The following EIF4G3 variants were observed in gnomAD, a reference collection of about 807,000 sequenced individuals.
The protein encoded by EIF4G3 is eukaryotic translation initiation factor 4 gamma 3.
Under a neutral mutation model 186.4 loss-of-function variants are expected in EIF4G3, and 34 were observed. The observed-to-expected ratio is 0.18, with a 90% CI of 0.14 to 0.24. The LOEUF is 0.24. Ranked by LOEUF, EIF4G3 falls within the 10% of genes least tolerant of loss-of-function variation. The pLI, the probability that EIF4G3 is intolerant of heterozygous loss-of-function variation, is 1.00. For missense variants in EIF4G3, 1,536 were observed against 1,948.5 expected, an observed-to-expected ratio of 0.79 and a Z score of 3.99; for synonymous variants, 673 against 679.5, an observed-to-expected ratio of 0.99 and a Z score of 0.15.
At chr1:20,873,901 T>C (rs1475593593) in intron 20 of EIF4G3, among the ~76,000 whole-genome samples, 3 of 152,124 alleles carry the variant, frequency 2.0e-5, no homozygotes, top group Non-Finnish European at 4.4e-5. Flanking sequence ...CCATGTGTTC[T>C]CAATGTGAAA....
At chr1:21,077,812 G>T (rs1269615851) in intron 3 of EIF4G3, among the ~76,000 whole-genome samples, 1 of 151,334 alleles carries the variant, frequency 6.6e-6, no homozygotes, top group South Asian at 2.1e-4. Context: ...CCCAGGAGGC[G>T]GAGGTTGTGG....
chr1:20,982,066 T>A (rs2078414531), intron 8 of EIF4G3, among the ~76,000 whole-genome samples: 1 of 152,200 alleles, frequency 6.6e-6, no homozygotes, highest in African/African-American at 2.4e-5. Flanking sequence ...TGTAGGGTTG[T>A]CACATGCTGA....
rs78263835 is a variant in EIF4G3 at position 20,896,482 on chromosome 1, T to G, written c.2000-981A>C. ...AAGAAAAAGAAAAAGGAAAAAGAAATATTTTTGCATAGCTATACAGTGTGT... is the reference window on the plus strand; with the variant it reads ...AAGAAAAAGAAAAAGGAAAAAGAAAGATTTTTGCATAGCTATACAGTGTGT... On this transcript the variant is annotated intron_variant, in intron 16 of 36. Coordinates refer to ENST00000602326, the MANE Select transcript of EIF4G3 (RefSeq NM_001391906.1). Among the ~76,000 whole-genome samples the G allele has an allele frequency of 9.3e-3, 1,345 of 144,544 alleles. 15 individuals carry two copies. Among genetic ancestry groups the G allele is most frequent in the Admixed American group, 0.033 (490 of 14,694 alleles). 94.8% of individuals were successfully genotyped at this position (144,544 alleles called of 152,430 possible).
intron 14 of EIF4G3, among the ~76,000 whole-genome samples, chr1:20,918,545 A>C (rs1290283027): frequency 6.6e-6 from 1 of 152,018 alleles, no homozygotes; most frequent in Non-Finnish European, 1.5e-5. Context: ...GGTCATAACT[A>C]TATGAGTTAT....
intron 14 of EIF4G3, chr1:20,941,248 G>T (rs534704279): frequency 1.9e-6 from 3 of 1,541,426 alleles, no homozygotes; most frequent in Middle Eastern, 1.7e-4. Flanking sequence ...AACATGTTTC[G>T]TGACATATAC....
intron 29 of EIF4G3, chr1:20,847,811 C>T (rs1473164125): frequency 2.1e-6 from 1 of 471,798 alleles, no homozygotes; most frequent in African/African-American, 2.0e-5. Flanking sequence ...CTCACCTCCA[C>T]CTCACTCATC....
At chr1:20,831,357 A>AT (rs1370594531) in intron 30 of EIF4G3, among the ~76,000 whole-genome samples, 1 of 147,670 alleles carries the variant, frequency 6.8e-6, no homozygotes, top group Non-Finnish European at 1.5e-5. Context: ...TAGAGGAAAT[A>AT]TTTTTTCCTG....
chr1:20,864,517 G>A lies in EIF4G3; in HGVS notation c.2965C>T (p.Leu989Phe). ...TCCAAGTCTTTGCCAATGGTGGTGAGCAGGCGACACAGGCACTCCAGGGAT... is the reference window on the plus strand; with the variant it reads ...TCCAAGTCTTTGCCAATGGTGGTGAACAGGCGACACAGGCACTCCAGGGAT... ...EESLECLCRL[L>F]TTIGKDLDFE... The change falls in exon 22 of 37, where the codon CTC becomes TTC. Residue 989 changes from leucine (L) to phenylalanine (F), a missense_variant. Physicochemically the swap from Leu to Phe is conservative, Grantham distance 22 (BLOSUM62 0). Around this residue, in one of 11 missense-constraint regions of EIF4G3, gnomAD observed 110 missense variants for 166.2 expected, o/e 0.66. Coordinates refer to ENST00000602326, the MANE Select transcript of EIF4G3 (RefSeq NM_001391906.1). The A allele has an allele frequency of 5.6e-6, 9 of 1,614,162 alleles. No homozygotes were observed. The highest frequency in any genetic ancestry group is 7.6e-6 in the Non-Finnish European group (9 of 1,180,012).
At chr1:20,847,969 C>CT (rs754128779) in intron 29 of EIF4G3, 316 of 382,140 alleles carry the variant, frequency 8.3e-4, no homozygotes, top group Admixed American at 1.3e-3. Flanking sequence ...GTAATATTTT[C>CT]TTTTTTTTTG....
intron 29 of EIF4G3, among the ~76,000 whole-genome samples, chr1:20,846,314 T>C (rs1231357728): frequency 1.3e-5 from 2 of 152,148 alleles, no homozygotes; most frequent in Non-Finnish European, 2.9e-5. Flanking sequence ...GCCAGTACTA[T>C]GTTGAATAGG....
chr1:20,875,580 A>G (rs1395372126), intron 20 of EIF4G3, among the ~76,000 whole-genome samples: 1 of 152,256 alleles, frequency 6.6e-6, no homozygotes, highest in Non-Finnish European at 1.5e-5. Flanking sequence ...TATGTTAGTC[A>G]TATTTCAATA....
At chr1:20,891,639 TAGC>T (rs1257264224) in intron 18 of EIF4G3, among the ~76,000 whole-genome samples, 7 of 138,612 alleles carry the variant, frequency 5.1e-5, no homozygotes, top group Non-Finnish European at 7.9e-5. Context: ...AAAAAAAAAT[TAGC>T]TGGGCGTGGT....
At chr1:21,064,604 CCCAGTT>C (rs2154579372) in intron 3 of EIF4G3, 2 of 152,172 alleles carry the variant, frequency 1.3e-5, no homozygotes, top group African/African-American at 4.8e-5. Flanking sequence ...AAGGTCCTTT[CCCAGTT>C]CAACAGCAAA....
At chr1:21,014,915 G>C (rs916804814) in intron 4 of EIF4G3, among the ~76,000 whole-genome samples, 2 of 152,008 alleles carry the variant, frequency 1.3e-5, no homozygotes, top group Non-Finnish European at 2.9e-5. Context: ...GATTATAGGC[G>C]TGAGCCACCA....
chr1:20,934,682 T>C (rs1375290346), intron 14 of EIF4G3, among the ~76,000 whole-genome samples: 1 of 152,106 alleles, frequency 6.6e-6, no homozygotes, highest in Non-Finnish European at 1.5e-5. Context: ...GTAAGTGGTG[T>C]GATCTTCTCC....
chr1:20,866,152 C>T (rs2077513513), intron 20 of EIF4G3, among the ~76,000 whole-genome samples: 1 of 152,030 alleles, frequency 6.6e-6, no homozygotes, highest in Admixed American at 6.6e-5. Flanking sequence ...TGGTCTTTGC[C>T]CTAGGTATAA....
chr1:21,153,399 T>C (rs928150069), intron 2 of EIF4G3, among the ~76,000 whole-genome samples: 3 of 152,180 alleles, frequency 2.0e-5, no homozygotes, highest in African/African-American at 7.2e-5. Context: ...GAGAAGGAGG[T>C]GAGTTAAAAG....
chr1:20,859,677 G>A (rs899381975), intron 24 of EIF4G3, among the ~76,000 whole-genome samples: 4 of 152,168 alleles, frequency 2.6e-5, no homozygotes, highest in Non-Finnish European at 5.9e-5. Context: ...GCGGCTCACC[G>A]CAACCTCCAC....
chr1:20,918,701 CTTTTT>C lies in EIF4G3; in HGVS notation c.1664-13735_1664-13731del, dbSNP rs35704755. On this transcript the variant is annotated intron_variant, in intron 14 of 36. Coordinates refer to ENST00000602326, the MANE Select transcript of EIF4G3 (RefSeq NM_001391906.1). ...ACTTTTAAATATATCCTCCTAGTAT[CTTTTT>C]TTTTTTTTTTTTTTTTTTTTAAAGA... Among the ~76,000 whole-genome samples, 131 of 94,884 alleles carry C rather than the reference CTTTTT, an allele frequency of 1.4e-3. 1 individual carries two copies. The highest frequency in any genetic ancestry group is 5.3e-3 in the African/African-American group (122 of 22,804). The allele number at this position is 94,884 out of a possible 152,430, so 62.2% of individuals were successfully genotyped here.
Sources: gnomAD v4.1 joint callset for allele counts (sites outside exome capture counted in the v4.1 genomes callset) on GRCh38, gnomAD v4.1.1 for gene constraint, gnomAD v4.1.1 regional missense constraint, MANE v1.5 for transcripts, NCBI Gene and HGNC (gene_info 2026-07-23, HGNC 2026-07-21) for gene names.